Variants in JUP observed in about 807,000 individuals in gnomAD.
JUP encodes the protein catenin (cadherin-associated protein), gamma 80kDa.
Under a neutral mutation model 71.1 loss-of-function variants are expected in JUP, and 28 were observed. That is an observed-to-expected ratio of 0.39 (90% CI 0.29 to 0.54). JUP has a LOEUF of 0.54. Among genes scored for constraint, JUP ranks in the 20% least tolerant of loss-of-function variants. The pLI, the probability that JUP is intolerant of heterozygous loss-of-function variation, is 0.62. For missense variants in JUP, 869 were observed against 1,030.1 expected, an observed-to-expected ratio of 0.84 and a Z score of 2.14; for synonymous variants, 401 against 438.9, an observed-to-expected ratio of 0.91 and a Z score of 1.08.
At chr17:41,784,204 C>T (rs2047332197) in intron 1 of JUP, among the ~76,000 whole-genome samples, 1 of 152,090 alleles carries the variant, frequency 6.6e-6, no homozygotes, top group Admixed American at 6.6e-5. Flanking sequence ...GGTTGGCAGC[C>T]CTAGCCCGAC....
At position 41,760,279 on chromosome 17, in the gene JUP, G is replaced by A. The variant is rs558937663; in HGVS notation, c.1498-1409C>T. ...TTTTTTTGTTTGTTTTTTTTGAGACGGAGTCTCGCTCTGTCGCCCAGGCTG... is the reference window on the plus strand; with the variant it reads ...TTTTTTTGTTTGTTTTTTTTGAGACAGAGTCTCGCTCTGTCGCCCAGGCTG... On this transcript the variant is annotated intron_variant, in intron 8 of 13. Coordinates refer to ENST00000393931, the MANE Select transcript of JUP (RefSeq NM_002230.4). Among the ~76,000 whole-genome samples, 913 of 151,288 alleles carry A rather than the reference G, an allele frequency of 6.0e-3. 7 individuals are homozygous for A. The highest frequency in any genetic ancestry group is 0.021 in the African/African-American group (872 of 41,246).
intron 1 of JUP, among the ~76,000 whole-genome samples, chr17:41,774,707 A>C (rs1555608138): frequency 2.6e-5 from 4 of 152,186 alleles, no homozygotes; most frequent in African/African-American, 9.6e-5. Flanking sequence ...TAGGAACAGC[A>C]TCCAGTCCAC....
chr17:41,762,167 G>GT (rs1914962571), intron 8 of JUP, among the ~76,000 whole-genome samples: 1 of 53,586 alleles, frequency 1.9e-5, no homozygotes, highest in Non-Finnish European at 4.5e-5. Context: ...GAGAGAGAGA[G>GT]AGAGAGAGAG....
intron 1 of JUP, among the ~76,000 whole-genome samples, chr17:41,781,444 A>G (rs538662997): frequency 6.6e-6 from 1 of 152,318 alleles, no homozygotes; most frequent in Admixed American, 6.5e-5. Flanking sequence ...CAGGAGGCTG[A>G]GCAAAGGAGA....
chr17:41,779,061 C>T (rs1484746018), intron 1 of JUP, among the ~76,000 whole-genome samples: 1 of 151,402 alleles, frequency 6.6e-6, no homozygotes, highest in East Asian at 2.0e-4. Context: ...ATGGTGAAAC[C>T]CCGTCTCTAC....
At position 41,762,968 on chromosome 17, in the gene JUP, G is replaced by A. The variant is rs1208242034; in HGVS notation, c.1497+15C>T. ...CTGCTGCAGGGAGCTCCTTCCCCTC[G>A]CCTAACAGCAGTACCTTGACCAGTG... On this transcript the variant is annotated intron_variant, in intron 8 of 13. Transcript: ENST00000393931. 5.6e-6 allele frequency: 9 copies of A among 1,610,930 alleles called. No homozygotes were observed. In the African/African-American group the frequency reaches 6.7e-5, roughly 12 times the overall value.
intron 9 of JUP, 92 bp from the exon 10 acceptor site, chr17:41,758,610 T>C: frequency 6.3e-7 from 1 of 1,574,962 alleles, no homozygotes; most frequent in Non-Finnish European, 8.6e-7. Flanking sequence ...CACAGGTTCT[T>C]GGAATTGGCA....
chr17:41,760,355 A>G (rs539762986), intron 8 of JUP, among the ~76,000 whole-genome samples: 72 of 150,850 alleles, frequency 4.8e-4, no homozygotes, highest in Non-Finnish European at 9.6e-4. Flanking sequence ...TCCCGGGTTC[A>G]CACCATTCTC....
At chr17:41,765,202 A>AT (rs1440463678) in intron 5 of JUP, 135 bp from the exon 6 acceptor site, 19 of 874,958 alleles carry the variant, frequency 2.2e-5, no homozygotes, top group Admixed American at 8.2e-5. Context: ...CTTTTAATGT[A>AT]TTTTTTTCTT....
chr17:41,783,682 A>C (rs2047291424), intron 1 of JUP, among the ~76,000 whole-genome samples: 1 of 151,796 alleles, frequency 6.6e-6, no homozygotes. Context: ...GCACTTTGGG[A>C]GGCCGGGGCG....
At chr17:41,759,125 G>A (rs1567804266) in intron 8 of JUP, among the ~76,000 whole-genome samples, 2 of 147,552 alleles carry the variant, frequency 1.4e-5, no homozygotes, top group South Asian at 2.1e-4. Flanking sequence ...CCAGGCTGGA[G>A]TGCAGTGGTG....
chr17:41,765,512 C>T (rs541421236), intron 5 of JUP, among the ~76,000 whole-genome samples: 19 of 152,120 alleles, frequency 1.2e-4, no homozygotes, highest in African/African-American at 4.1e-4. Context: ...CCATCACGCC[C>T]GGCTAATTTC....
chr17:41,782,967 C>T (rs1219100521), intron 1 of JUP, among the ~76,000 whole-genome samples: 1 of 151,464 alleles, frequency 6.6e-6, no homozygotes, highest in South Asian at 2.1e-4. Context: ...TGTGGTGGTG[C>T]ATGCCTGTAA....
intron 1 of JUP, among the ~76,000 whole-genome samples, chr17:41,783,695 C>T (rs1455645155): frequency 2.6e-5 from 4 of 151,586 alleles, no homozygotes; most frequent in Admixed American, 6.6e-5. Context: ...CCGGGGCGGG[C>T]GAATCACGAG....
intron 8 of JUP, among the ~76,000 whole-genome samples, chr17:41,759,484 C>A (rs80042105): frequency 1.3e-5 from 2 of 151,568 alleles, no homozygotes; most frequent in Non-Finnish European, 2.9e-5. Flanking sequence ...AACCACCCCC[C>A]ACAGACACCA....
chr17:41,766,646 A>G (rs7213312), intron 5 of JUP, among the ~76,000 whole-genome samples: 123,539 of 151,924 alleles, frequency 0.81, 50,810 homozygotes, highest in African/African-American at 0.91. Context: ...CCTAAGGTCA[A>G]GAGTTCGAGA....
At chr17:41,758,362 TG>T (rs782511113) in intron 10 of JUP, 36 bp downstream of exon 10, 20 of 1,611,412 alleles carry the variant, frequency 1.2e-5, no homozygotes, top group South Asian at 1.1e-4. Context: ...TAAGCAGTGG[TG>T]GGGGGACCTC....
chr17:41,782,958 G>T (rs1555610650), intron 1 of JUP, among the ~76,000 whole-genome samples: 1 of 152,016 alleles, frequency 6.6e-6, no homozygotes, highest in Non-Finnish European at 1.5e-5. Context: ...TTAGCCTAGT[G>T]TGGTGGTGCA....
At chr17:41,762,321 C>T (rs999197240) in intron 8 of JUP, among the ~76,000 whole-genome samples, 16 of 150,008 alleles carry the variant, frequency 1.1e-4, no homozygotes, top group African/African-American at 1.7e-4. Context: ...GTGATCCTTC[C>T]GCTTCCGCCT....
Sources: gnomAD v4.1 joint callset for allele counts (sites outside exome capture counted in the v4.1 genomes callset) on GRCh38, gnomAD v4.1.1 for gene constraint, MANE v1.5 for transcripts, NCBI Gene and HGNC (gene_info 2026-07-23, HGNC 2026-07-21) for gene names.